GRK7: variants seen among roughly 807,000 people sequenced by gnomAD.
The protein encoded by GRK7 is G protein-coupled receptor kinase 7, also known as rhodopsin kinase GRK7.
GRK7 carries 24 observed loss-of-function variants against 34.1 expected under a neutral mutation model. That is an observed-to-expected ratio of 0.70 (90% CI 0.51 to 0.99). The LOEUF (loss-of-function observed/expected upper bound fraction) is 0.99, where lower values mean the gene tolerates loss of function less well. Ranked by LOEUF, GRK7 falls within the 50% of genes least tolerant of loss-of-function variation. The pLI, the probability that GRK7 is intolerant of heterozygous loss-of-function variation, is 0.00. For missense variants in GRK7, 644 were observed against 707.3 expected, an observed-to-expected ratio of 0.91 and a Z score of 1.02; for synonymous variants, 256 against 279.4, an observed-to-expected ratio of 0.92 and a Z score of 0.84.
In GRK7 at chr3:141,817,662, A is replaced by T. The variant is rs1000393037; in HGVS notation, c.*612A>T. The T allele has an allele frequency of 1.3e-5, 2 of 152,260 alleles. No homozygotes were observed. The highest frequency in any genetic ancestry group is 4.8e-5 in the African/African-American group (2 of 41,466). The allele number at this position is 152,260 out of a possible 1,614,324, so 9.4% of individuals were successfully genotyped here. ...ATGTTGAAGCATTTTAAACATAAAC[A>T]TCCATGACATCTGTGAATTAAAGCA... On this transcript the variant is annotated 3_prime_UTR_variant, in exon 6 of 6. Transcript: ENST00000682958.
chr3:141,803,066 G>C (rs1710987373), intron 4 of GRK7, among the ~76,000 whole-genome samples: 1 of 152,134 alleles, frequency 6.6e-6, no homozygotes, highest in Non-Finnish European at 1.5e-5. Context: ...CCATTACCTA[G>C]AGTTTATCAC....
At chr3:141,754,539 C>T in the GRK7 span, among the ~76,000 whole-genome samples, 2 of 149,492 alleles carry the variant, frequency 1.3e-5, no homozygotes, top group Admixed American at 6.8e-5. Context: ...CTCCTGGGTT[C>T]GAGCGATTCT....
rs2084576278 is a variant in GRK7 at position 141,765,424 on chromosome 3, C to G, written c.-529C>G. On this transcript the variant is annotated 5_prime_UTR_variant, in exon 1 of 6. Transcript: ENST00000682958. ...TCTCCTTCCCTGCTTGATTTTTCTT[C>G]ACAGCACTTACCACCATCTGTGGTG... Among the ~76,000 whole-genome samples, 1 of 152,136 alleles carries G rather than the reference C, an allele frequency of 6.6e-6. No homozygotes were observed. The highest frequency in any genetic ancestry group is 1.5e-5 in the Non-Finnish European group (1 of 68,032).
intron 4 of GRK7, among the ~76,000 whole-genome samples, chr3:141,803,286 G>T (rs988226351): frequency 9.1e-6 from 1 of 110,332 alleles, no homozygotes. Flanking sequence ...AAAAAAAAAA[G>T]CCAGGCGTGG....
intron 4 of GRK7, among the ~76,000 whole-genome samples, chr3:141,805,868 C>G (rs192366672): frequency 6.6e-6 from 1 of 152,178 alleles, no homozygotes; most frequent in African/African-American, 2.4e-5. Flanking sequence ...GCTCGTCTAT[C>G]GCACTACAGC....
intron 5 of GRK7, 123 bp downstream of exon 5, chr3:141,808,042 C>T (rs1203451203): frequency 1.2e-6 from 1 of 826,928 alleles, no homozygotes; most frequent in East Asian, 2.7e-5. Context: ...TTTTTATTTG[C>T]ATATTATATG....
At chr3:141,774,772 CCAGT>C (rs1332035768) in intron 2 of GRK7, among the ~76,000 whole-genome samples, 92 bp downstream of exon 2, 2 of 140,426 alleles carry the variant, frequency 1.4e-5, no homozygotes, top group Non-Finnish European at 3.1e-5. Context: ...CTTGTTGTCA[CCAGT>C]CAGATTATTA....
chr3:141,793,632 T>C (rs2084735992), intron 4 of GRK7, among the ~76,000 whole-genome samples: 1 of 152,140 alleles, frequency 6.6e-6, no homozygotes, highest in Admixed American at 6.5e-5. Flanking sequence ...CAGACTTGTG[T>C]ATCCCTAAGG....
At chr3:141,776,346 A>C (rs559660457) in intron 2 of GRK7, among the ~76,000 whole-genome samples, 26 of 152,296 alleles carry the variant, frequency 1.7e-4, no homozygotes, top group African/African-American at 6.0e-4. Flanking sequence ...TGTGATATCA[A>C]TGCTACCGTT....
the GRK7 span, among the ~76,000 whole-genome samples, chr3:141,752,419 G>A: frequency 1.3e-5 from 2 of 152,120 alleles, no homozygotes; most frequent in Non-Finnish European, 2.9e-5. Context: ...GCTGCTAAAC[G>A]TCCACAAGGC....
upstream of GRK7, among the ~76,000 whole-genome samples, chr3:141,758,961 G>T (rs1201943155): frequency 7.1e-6 from 1 of 139,944 alleles, no homozygotes; most frequent in African/African-American, 2.7e-5. Context: ...CTGTTTGTCT[G>T]TTGTTGGTGT....
At chr3:141,804,794 C>T (rs1192616203) in intron 4 of GRK7, among the ~76,000 whole-genome samples, 1 of 150,574 alleles carries the variant, frequency 6.6e-6, no homozygotes, top group Non-Finnish European at 1.5e-5. Context: ...CATACACGCA[C>T]ACATACACAC....
Position 141,791,639 on chromosome 3 carries a change from T to TTCAC in GRK7, c.1050+10842_1050+10845dup, listed in dbSNP as rs534766069. ...CCTTCATCCAAAAGGCATGCCTTTATTCACTCACTCACTCACTTGTTTATT... is the reference window on the plus strand; with the variant it reads ...CCTTCATCCAAAAGGCATGCCTTTATTCACTCACTCACTCACTCACTTGTTTATT... On this transcript the variant is annotated intron_variant, in intron 4 of 5. Transcript: ENST00000682958. Among the ~76,000 whole-genome samples, 44 of 152,338 alleles carry TTCAC rather than the reference T, an allele frequency of 2.9e-4. 1 individual carries two copies. The South Asian group carries it at 8.5e-3, about 29-fold the overall frequency.
At chr3:141,753,281 T>A in the GRK7 span, among the ~76,000 whole-genome samples, 5 of 152,210 alleles carry the variant, frequency 3.3e-5, no homozygotes, top group Admixed American at 3.3e-4. Context: ...TTTATAGAGA[T>A]ATTTTAGAGC....
intron 4 of GRK7, among the ~76,000 whole-genome samples, chr3:141,801,128 G>A (rs1473706270): frequency 2.6e-5 from 4 of 151,922 alleles, no homozygotes; most frequent in Non-Finnish European, 5.9e-5. Context: ...GGCTAACAGG[G>A]TGAAACCCCG....
upstream of GRK7, among the ~76,000 whole-genome samples, chr3:141,762,529 AG>A (rs370541093): frequency 0.082 from 12,358 of 151,064 alleles, 1,684 homozygotes; most frequent in African/African-American, 0.28. Flanking sequence ...GCTGTCAGAC[AG>A]GGACATTTAA....
Position 141,778,301 on chromosome 3 carries a change from C to T in GRK7, c.17C>T (p.Ala6Val), listed in dbSNP as rs377464259. The T allele has an allele frequency of 6.3e-7, 1 of 1,577,536 alleles. No individual in the cohort carries two copies. Among genetic ancestry groups the T allele is most frequent in the Non-Finnish European group, 8.6e-7 (1 of 1,159,342 alleles). Reference sequence around the variant, plus strand: ...TGCTCAGCCATGGTGGACATGGGGGCCCTGGACAACCTGATCGCCAACACC... The same window carrying T: ...TGCTCAGCCATGGTGGACATGGGGGTCCTGGACAACCTGATCGCCAACACC... MVDMG[A>V]LDNLIANTAY... is the part of the protein sequence containing the mutation. The change falls in exon 3 of 6, where the codon GCC becomes GTC. Residue 6 changes from alanine to valine, a missense_variant. Physicochemically the swap from Ala to Val is moderately conservative, Grantham distance 64. Coordinates refer to ENST00000682958, the MANE Select transcript of GRK7 (RefSeq NM_139209.3). The surrounding 1 kb of genome is among the most constrained non-coding windows in gnomAD (Gnocchi z 4.1).
At position 141,774,310 on chromosome 3, in the gene GRK7, A is replaced by G. The variant is rs571865402; in HGVS notation, c.-214-270A>G. On this transcript the variant is annotated intron_variant, in intron 1 of 5. Transcript: ENST00000682958. ...GATGGTGCACAACTGTAGTCCCAGC[A>G]AATCGGGAGGCTGAGGTAGGAGGAT... Among the ~76,000 whole-genome samples the G allele has an allele frequency of 7.0e-3, 1,058 of 152,144 alleles. 6 individuals carry two copies. Among genetic ancestry groups the G allele is most frequent in the Non-Finnish European group, 0.012 (836 of 67,998 alleles).
rs1203494025 is a variant in GRK7, at chr3:141,817,021, T to G, written c.1633T>G (p.Ser545Ala). 3.7e-6 allele frequency: 6 copies of G among 1,609,118 alleles called. No individual in the cohort carries two copies. The highest frequency in any genetic ancestry group is 5.1e-6 in the Non-Finnish European group (6 of 1,178,916). Residue 545 changes from serine to alanine, a missense_variant, in exon 6 of 6, where the codon TCC becomes GCC. Ser to Ala is a moderately conservative substitution (Grantham distance 99). Transcript: ENST00000682958. ...TACGGGTTGTGAGGAGGGTAATTCATCCAAGTCTGGCGTGTGTTTGTTATT... is the reference window on the plus strand; with the variant it reads ...TACGGGTTGTGAGGAGGGTAATTCAGCCAAGTCTGGCGTGTGTTTGTTATT... ...RPTGCEEGNS[S>A]KSGVCLLL
Sources: gnomAD v4.1 joint callset for allele counts (sites outside exome capture counted in the v4.1 genomes callset) on GRCh38, gnomAD v4.1.1 for gene constraint, Gnocchi (gnomAD v3.1) non-coding constraint, MANE v1.5 for transcripts, NCBI Gene and HGNC (gene_info 2026-07-23, HGNC 2026-07-21) for gene names.